DDX31: variants seen among roughly 807,000 people sequenced by gnomAD.
DDX31 encodes ATP-dependent DNA helicase DDX31.
In DDX31, 70 loss-of-function variants were observed where a neutral mutation model predicts 91.3. The observed-to-expected ratio is 0.77, with a 90% CI of 0.63 to 0.94. The LOEUF is 0.94. DDX31 is among the 40% of genes least tolerant of loss of function. The pLI is 0.00. For missense variants in DDX31, 902 were observed against 925.0 expected, an observed-to-expected ratio of 0.98 and a Z score of 0.32; for synonymous variants, 362 against 350.6, an observed-to-expected ratio of 1.03 and a Z score of -0.36.
Position 132,623,603 on chromosome 9 carries a change from G to A in DDX31, c.1713+2061C>T, listed in dbSNP as rs147838981. On this transcript the variant is annotated intron_variant, in intron 17 of 19. Coordinates refer to ENST00000372159, the MANE Select transcript of DDX31 (RefSeq NM_022779.9). ...AAGAAAAAAGAAAAAAGAAAGGTCC[G>A]ATCACAGGCTGGTGACAGATGAGGA... Among the ~76,000 whole-genome samples the A allele has an allele frequency of 3.5e-3, 531 of 150,528 alleles. 9 individuals are homozygous for A. Among genetic ancestry groups the A allele is most frequent in the East Asian group, 0.02 (102 of 5,102 alleles).
intron 13 of DDX31, among the ~76,000 whole-genome samples, chr9:132,643,708 G>A (rs748583549): frequency 1.3e-5 from 2 of 152,156 alleles, no homozygotes; most frequent in Non-Finnish European, 2.9e-5. Context: ...GTAAAGGGCC[G>A]GAATGATATC....
In DDX31 at chr9:132,595,719, G is replaced by T. The variant is rs1830407303; in HGVS notation, c.1995-607C>A. 1.3e-5 allele frequency among the ~76,000 whole-genome samples: 2 copies of T among 152,172 alleles called. No homozygotes were observed. The highest frequency in any genetic ancestry group is 4.1e-4 in the South Asian group (2 of 4,828). The stretch of plus-strand genomic sequence containing the variant: ...AAAACCCAAACCCAGGGCACAGCCT[G>T]GTCAATGTCTGCATCTAGGATTAGA... On this transcript the variant is annotated intron_variant, in intron 19 of 19. Coordinates refer to ENST00000372159, the MANE Select transcript of DDX31 (RefSeq NM_022779.9). The surrounding 1 kb of genome is among the most constrained non-coding windows in gnomAD (Gnocchi z 4.6).
At chr9:132,657,969 C>A in intron 6 of DDX31, 1 of 260,504 alleles carries the variant, frequency 3.8e-6, no homozygotes, top group East Asian at 7.2e-5. Flanking sequence ...TCATGAGAAA[C>A]CACTGTTTTA....
At chr9:132,658,131 T>G in intron 6 of DDX31, 2 of 572,474 alleles carry the variant, frequency 3.5e-6, no homozygotes, top group Middle Eastern at 3.6e-4. Context: ...CTGTAAAAGG[T>G]CCCACGTTAG....
intron 7 of DDX31, 143 bp from the exon 8 acceptor site, chr9:132,651,259 A>G (rs559522755): frequency 5.7e-5 from 39 of 679,024 alleles, no homozygotes; most frequent in Middle Eastern, 8.2e-4. Context: ...AGAATCTAAT[A>G]TACCTTGTTC....
rs977083406 is a variant in DDX31, at chr9:132,608,458, C to T, written c.1994+3629G>A. On this transcript the variant is annotated intron_variant, in intron 19 of 19. Coordinates refer to ENST00000372159, the MANE Select transcript of DDX31 (RefSeq NM_022779.9). ...GAAGGACTAAAGGCAATGTAAGAGACGAAGGGTCCCTCTCCCATCGCATGG... is the reference window on the plus strand; with the variant it reads ...GAAGGACTAAAGGCAATGTAAGAGATGAAGGGTCCCTCTCCCATCGCATGG... Among the ~76,000 whole-genome samples the T allele has an allele frequency of 5.3e-5, 8 of 152,198 alleles. No homozygotes were observed. In the East Asian group the frequency reaches 9.7e-4, roughly 18 times the overall value.
chr9:132,622,888 T>C (rs1228037688), intron 17 of DDX31, among the ~76,000 whole-genome samples: 2 of 152,106 alleles, frequency 1.3e-5, no homozygotes, highest in African/African-American at 4.8e-5. Context: ...CCCAGCACTT[T>C]GGGAGGCCAA....
chr9:132,612,226 T>G lies in DDX31; in HGVS notation c.1855A>C (p.Thr619Pro). The G allele has an allele frequency of 2.5e-6, 4 of 1,614,036 alleles. No individual in the cohort carries two copies. Among genetic ancestry groups the G allele is most frequent in the Non-Finnish European group, 3.4e-6 (4 of 1,179,986 alleles). The change falls in exon 19 of 20, where the codon ACC (threonine) becomes CCC (proline). Residue 619 changes from threonine to proline, a missense_variant. By Grantham distance (38) the Thr-to-Pro change is conservative. Transcript: ENST00000372159. ...ALQSFIQAYA[T>P]YPRELKHIFH... Reference sequence around the variant, plus strand: ...ATGTGCTTCAGCTCCCTGGGGTAGGTGGCGTAGGCTTGGATGAAGGACTGC... The same window carrying G: ...ATGTGCTTCAGCTCCCTGGGGTAGGGGGCGTAGGCTTGGATGAAGGACTGC...
Position 132,627,769 on chromosome 9 carries a change from C to T in DDX31, c.1632-2024G>A, listed in dbSNP as rs111821328. Among the ~76,000 whole-genome samples the T allele has an allele frequency of 5.3e-4, 81 of 152,300 alleles. 1 individual carries two copies. The highest frequency in any genetic ancestry group is 1.8e-3 in the African/African-American group (76 of 41,576). On this transcript the variant is annotated intron_variant, in intron 16 of 19. Coordinates refer to ENST00000372159, the MANE Select transcript of DDX31 (RefSeq NM_022779.9). ...CTGCTAGGGCGAGCACCGCAGTGCT[C>T]GATCTAGGAAGGCGGGCAGCCATTT...
At chr9:132,620,420 C>CA (rs1208464360) in intron 17 of DDX31, among the ~76,000 whole-genome samples, 1,322 of 107,282 alleles carry the variant, frequency 0.012, 8 homozygotes, top group African/African-American at 0.03. Context: ...TCTTCCCAAC[C>CA]AAAAAAAAAA....
At chr9:132,666,122 T>G (rs1835291122) in intron 1 of DDX31, among the ~76,000 whole-genome samples, 1 of 152,232 alleles carries the variant, frequency 6.6e-6, no homozygotes, top group East Asian at 1.9e-4. Context: ...AGTTTTTAAA[T>G]TCACACAACC....
In DDX31 at chr9:132,646,807, T is replaced by C. The variant is rs1331580786; in HGVS notation, c.1203+16A>G. 4 of 1,612,636 alleles carry C rather than the reference T, an allele frequency of 2.5e-6. No homozygotes were observed. The highest frequency in any genetic ancestry group is 2.7e-5 in the African/African-American group (2 of 74,910). On this transcript the variant is annotated intron_variant, in intron 12 of 19. Transcript: ENST00000372159. ...TTTCTTCCCTGAATCAAGTCGGCTC[T>C]AGCCCACAGTCCCACCTTGCATTTC...
chr9:132,654,249 A>G (rs970221895), intron 6 of DDX31, among the ~76,000 whole-genome samples: 1 of 152,194 alleles, frequency 6.6e-6, no homozygotes, highest in African/African-American at 2.4e-5. Context: ...AATATGCCAC[A>G]CCTGAGAGAA....
chr9:132,604,424 G>A (rs1443163545), intron 19 of DDX31, among the ~76,000 whole-genome samples: 1 of 152,170 alleles, frequency 6.6e-6, no homozygotes, highest in Non-Finnish European at 1.5e-5. Context: ...GCATGTTCTT[G>A]GCTATCATCT....
At chr9:132,657,160 A>G (rs987772037) in intron 6 of DDX31, among the ~76,000 whole-genome samples, 1 of 152,244 alleles carries the variant, frequency 6.6e-6, no homozygotes, top group African/African-American at 2.4e-5. Context: ...AGTAATTGAA[A>G]AAGTATCATT....
At chr9:132,622,415 A>C (rs1832087549) in intron 17 of DDX31, among the ~76,000 whole-genome samples, 1 of 152,224 alleles carries the variant, frequency 6.6e-6, no homozygotes, top group Non-Finnish European at 1.5e-5. Context: ...ATGCTACCAA[A>C]AAAAAACGAC....
chr9:132,597,969 T>C (rs1333541338), intron 19 of DDX31, among the ~76,000 whole-genome samples: 1 of 152,198 alleles, frequency 6.6e-6, no homozygotes. Context: ...CATCACCACC[T>C]TTCCTGGCTA....
intron 18 of DDX31, 182 bp from the exon 19 acceptor site, chr9:132,612,437 C>CA (rs1430956227): frequency 3.3e-6 from 2 of 613,976 alleles, no homozygotes; most frequent in African/African-American, 1.9e-5. Flanking sequence ...AATTCCTAAA[C>CA]AACAAAAAGA....
chr9:132,640,670 T>C (rs1684340451), intron 14 of DDX31, among the ~76,000 whole-genome samples: 2 of 152,106 alleles, frequency 1.3e-5, no homozygotes, highest in Admixed American at 1.3e-4. Flanking sequence ...CTAATTTTTA[T>C]TCCTTAATAT....
Sources: allele counts gnomAD v4.1 joint callset (sites outside exome capture counted in the v4.1 genomes callset), GRCh38; gene constraint gnomAD v4.1.1; non-coding constraint Gnocchi (gnomAD v3.1); transcripts MANE v1.5; gene names NCBI Gene and HGNC (gene_info 2026-07-23, HGNC 2026-07-21).